PRPF6: variants seen among roughly 807,000 people sequenced by gnomAD.
PRPF6 encodes pre-mRNA processing factor 6, also known as pre-mRNA-processing factor 6.
A neutral mutation model predicts 118.3 loss-of-function variants in PRPF6; 42 were observed. The ratio of observed to expected loss-of-function variants is 0.35; its 90% CI spans 0.28 to 0.46. PRPF6 has a LOEUF of 0.46. PRPF6 is among the 20% of genes least tolerant of loss of function. The pLI is 1.00. For missense variants in PRPF6, 662 were observed against 1,255.7 expected, an observed-to-expected ratio of 0.53 and a Z score of 7.15; for synonymous variants, 481 against 485.1, an observed-to-expected ratio of 0.99 and a Z score of 0.11.
chr20:63,981,487 T>C (rs527627370), intron 1 of PRPF6, among the ~76,000 whole-genome samples, 171 bp downstream of exon 1: 1 of 152,328 alleles, frequency 6.6e-6, no homozygotes, highest in South Asian at 2.1e-4. Flanking sequence ...TACCTGTGTG[T>C]GCACCCTGCT....
Position 64,028,589 on chromosome 20 carries a change from C to T in PRPF6, c.2431+20C>T. ...ACTCCGGTAAGGGGGTGCCCCGACT[C>T]CGGTAAGGGGGTGCCCTGACTCCGG... On this transcript the variant is annotated intron_variant, in intron 18 of 20. Transcript: ENST00000266079. This position sits in a 1 kb window ranked among gnomAD's most constrained non-coding sequence, Gnocchi z 6.5. The T allele has an allele frequency of 6.2e-7, 1 of 1,608,710 alleles. No homozygotes were observed. Among genetic ancestry groups the T allele is most frequent in the East Asian group, 2.2e-5 (1 of 44,810 alleles).
At chr20:63,983,015 C>T in intron 1 of PRPF6, 32 bp from the exon 2 acceptor site, 1 of 1,610,726 alleles carries the variant, frequency 6.2e-7, no homozygotes, top group Non-Finnish European at 8.5e-7. Context: ...CAGAGTTATT[C>T]AGACACCCGG....
At chr20:64,024,188 A>G (rs1258000265) in intron 13 of PRPF6, among the ~76,000 whole-genome samples, 1 of 152,174 alleles carries the variant, frequency 6.6e-6, no homozygotes, top group Admixed American at 6.6e-5. Flanking sequence ...AATCTTTATC[A>G]GTGGGTCCGG....
At chr20:63,990,424 C>T (rs1321851646) in intron 3 of PRPF6, among the ~76,000 whole-genome samples, 1 of 151,748 alleles carries the variant, frequency 6.6e-6, no homozygotes, top group Non-Finnish European at 1.5e-5. Context: ...AATCATTGTG[C>T]ATAAATTTTA....
rs2123053444 is a variant in PRPF6 at position 64,011,325 on chromosome 20, C to T, written c.1346C>T (p.Ala449Val). 1.2e-6 allele frequency: 2 copies of T among 1,614,218 alleles called. No individual in the cohort carries two copies. The highest frequency in any genetic ancestry group is 1.7e-6 in the Non-Finnish European group (2 of 1,180,048). The change falls in exon 11 of 21, where the codon GCC becomes GTC. Residue 449 changes from alanine to valine, a missense_variant. Physicochemically the swap from Ala to Val is moderately conservative, Grantham distance 64. This residue lies in a region of PRPF6 where 189 missense variants were observed against 323.5 expected (regional missense o/e 0.58). Coordinates refer to ENST00000266079, the MANE Select transcript of PRPF6 (RefSeq NM_012469.4). This position sits in a 1 kb window ranked among gnomAD's most constrained non-coding sequence, Gnocchi z 6.7. ...ALARLETYEN[A>V]RKVLNKAREN... ...GCAAGGCTGGAGACCTATGAAAATGCCCGCAAGGTCTTGAACAAGGCGCGG... is the reference window on the plus strand; with the variant it reads ...GCAAGGCTGGAGACCTATGAAAATGTCCGCAAGGTCTTGAACAAGGCGCGG...
intron 11 of PRPF6, 74 bp from the exon 12 acceptor site, chr20:64,016,649 A>T: frequency 1.3e-6 from 2 of 1,585,250 alleles, no homozygotes; most frequent in Non-Finnish European, 1.7e-6. Context: ...CCGTTCAGGA[A>T]CTCCGTACTC....
Position 64,024,925 on chromosome 20 carries a change from G to A in PRPF6, c.1908+232G>A, listed in dbSNP as rs1039580116. ...GGTCCCCCCACTCAGTGTGACCACG[G>A]GTAAATGTTTCAGAACATGGAACAC... On this transcript the variant is annotated intron_variant, in intron 14 of 20. Coordinates refer to ENST00000266079, the MANE Select transcript of PRPF6 (RefSeq NM_012469.4). Among the ~76,000 whole-genome samples, 7 of 152,246 alleles carry A rather than the reference G, an allele frequency of 4.6e-5. No homozygotes were observed. The East Asian group carries it at 1.4e-3, about 29-fold the overall frequency.
In PRPF6 at chr20:63,996,558, G is replaced by C. The variant is rs149622324; in HGVS notation, c.771+1076G>C. On this transcript the variant is annotated intron_variant, in intron 6 of 20. Transcript: ENST00000266079. Reference sequence around the variant, plus strand: ...TGGAGCTCCTGGGCACAAGTGATCTGTCCGCGCTGGCCTCACAAAGTGCTG... The same window carrying C: ...TGGAGCTCCTGGGCACAAGTGATCTCTCCGCGCTGGCCTCACAAAGTGCTG... 1.1e-4 allele frequency among the ~76,000 whole-genome samples: 16 copies of C among 152,290 alleles called. No homozygotes were observed. The East Asian group carries it at 3.1e-3, about 29-fold the overall frequency.
rs769685223 is a variant in PRPF6 at position 63,999,663 on chromosome 20, G to A, written c.927G>A (p.Pro309=). The stretch of plus-strand genomic sequence containing the variant: ...TTCGGGAGACGAACCCTCATCACCC[G>A]CCAGCCTGGATTGCATCAGCCCGCC... The part of the protein sequence containing the change: ...KSVRETNPHH[P]PAWIASARLE... Residue 309 remains proline (P), a synonymous_variant, in exon 8 of 21, where the codon CCG becomes CCA. Coordinates refer to ENST00000266079, the MANE Select transcript of PRPF6 (RefSeq NM_012469.4). 5.6e-6 allele frequency: 9 copies of A among 1,614,022 alleles called. No individual in the cohort carries two copies. The East Asian group carries it at 8.9e-5, about 16-fold the overall frequency.
chr20:64,013,618 T>A (rs2059225029), intron 11 of PRPF6, among the ~76,000 whole-genome samples: 1 of 151,674 alleles, frequency 6.6e-6, no homozygotes, highest in Non-Finnish European at 1.5e-5. Context: ...CAATTTTTTT[T>A]ATTTTTATTT....
intron 14 of PRPF6, among the ~76,000 whole-genome samples, chr20:64,025,363 C>A (rs1223547272): frequency 6.6e-6 from 1 of 152,156 alleles, no homozygotes; most frequent in South Asian, 2.1e-4. Flanking sequence ...CTGATTGGGA[C>A]GCATTCAGAC....
intron 9 of PRPF6, among the ~76,000 whole-genome samples, chr20:64,004,954 G>A (rs530307920): frequency 3.9e-4 from 60 of 152,340 alleles, no homozygotes; most frequent in Non-Finnish European, 7.3e-4. Flanking sequence ...GCACAGGAAT[G>A]GCACAGTTCA....
At chr20:64,018,638 A>AT (rs1169255115) in intron 12 of PRPF6, among the ~76,000 whole-genome samples, 1 of 151,680 alleles carries the variant, frequency 6.6e-6, no homozygotes, top group African/African-American at 2.4e-5. Flanking sequence ...TATATATTAA[A>AT]TTTTTTTTGT....
In PRPF6 at chr20:64,028,414, G is replaced by A. The variant is rs1007122164; in HGVS notation, c.2340-64G>A. 21 of 1,559,716 alleles carry A rather than the reference G, an allele frequency of 1.3e-5. No individual in the cohort carries two copies. The African/African-American group carries it at 2.7e-4, about 20-fold the overall frequency. On this transcript the variant is annotated intron_variant, in intron 17 of 20. Coordinates refer to ENST00000266079, the MANE Select transcript of PRPF6 (RefSeq NM_012469.4). This position sits in a 1 kb window ranked among gnomAD's most constrained non-coding sequence, Gnocchi z 6.5. ...GAGCCCTTTCAGACAAGGCTTCCCA[G>A]AAGCTACCAGAATATGTGCTGTTGG...
At chr20:64,002,345 T>C (rs1273561641) in intron 9 of PRPF6, among the ~76,000 whole-genome samples, 2 of 147,798 alleles carry the variant, frequency 1.4e-5, no homozygotes, top group Admixed American at 6.8e-5. Context: ...CTATCCATTT[T>C]TTTTTTTTTA....
intron 11 of PRPF6, among the ~76,000 whole-genome samples, chr20:64,015,948 G>A (rs2059235426): frequency 6.6e-6 from 1 of 152,134 alleles, no homozygotes; most frequent in South Asian, 2.1e-4. Context: ...GCAACATAAG[G>A]AGACCCTGTA....
intron 11 of PRPF6, among the ~76,000 whole-genome samples, chr20:64,015,236 G>T (rs183224315): frequency 3.2e-4 from 48 of 152,348 alleles, no homozygotes; most frequent in Non-Finnish European, 3.7e-4. Context: ...ACTGTCCATG[G>T]AGGAAGAGCC....
Position 64,027,028 on chromosome 20 carries a change from G to A in PRPF6, c.2075G>A (p.Arg692Lys). 1.2e-6 allele frequency: 2 copies of A among 1,614,032 alleles called. No homozygotes were observed. Among genetic ancestry groups the A allele is most frequent in the South Asian group, 2.2e-5 (2 of 91,080 alleles). The change falls in exon 16 of 21, where the codon AGG (arginine) becomes AAG (lysine). Residue 692 changes from arginine to lysine, a missense_variant. Physicochemically the swap from Arg to Lys is conservative, Grantham distance 26. Transcript: ENST00000266079. The surrounding 1 kb of genome is among the most constrained non-coding windows in gnomAD (Gnocchi z 6.5). ...CTGGAGTGGGTGCAAGACAACATCA[G>A]GGCAGCCCAAGATCTGTGCGAGGAG... ...VKLEWVQDNIRAAQDLCEEAL... is the reference protein window; with the variant it reads ...VKLEWVQDNIKAAQDLCEEAL...
intron 9 of PRPF6, among the ~76,000 whole-genome samples, chr20:64,004,691 A>T (rs1278067520): frequency 6.6e-6 from 1 of 152,078 alleles, no homozygotes; most frequent in Non-Finnish European, 1.5e-5. Flanking sequence ...TTCCTCTGTA[A>T]AAGGGAAGAG....
Sources: gnomAD v4.1 joint callset for allele counts (sites outside exome capture counted in the v4.1 genomes callset) on GRCh38, gnomAD v4.1.1 for gene constraint, gnomAD v4.1.1 regional missense constraint, Gnocchi (gnomAD v3.1) non-coding constraint, MANE v1.5 for transcripts, NCBI Gene and HGNC (gene_info 2026-07-23, HGNC 2026-07-21) for gene names.